CACNA1A: variants seen among roughly 807,000 people sequenced by gnomAD.
CACNA1A encodes voltage-dependent P/Q-type calcium channel subunit alpha-1A.
CACNA1A carries 57 observed loss-of-function variants against 262.4 expected under a neutral mutation model. That is an observed-to-expected ratio of 0.22 (90% CI 0.18 to 0.27). CACNA1A has a LOEUF of 0.27. CACNA1A is among the 10% of genes least tolerant of loss of function. The pLI, the probability that CACNA1A is intolerant of heterozygous loss-of-function variation, is 1.00. For synonymous variants in CACNA1A, 1,431 were observed against 1,419.3 expected, an observed-to-expected ratio of 1.01 and a Z score of -0.18; for missense variants, 2,526 against 3,562.8, an observed-to-expected ratio of 0.71 and a Z score of 7.41.
intron 3 of CACNA1A, among the ~76,000 whole-genome samples, chr19:13,389,303 C>T (rs1026720366): frequency 6.6e-6 from 1 of 152,148 alleles, no homozygotes; most frequent in Non-Finnish European, 1.5e-5. Flanking sequence ...TGTCACATGC[C>T]GCCTCCTGGT....
At chr19:13,419,114 C>T (rs1347164036) in intron 3 of CACNA1A, among the ~76,000 whole-genome samples, 2 of 152,088 alleles carry the variant, frequency 1.3e-5, no homozygotes, top group African/African-American at 4.8e-5. Flanking sequence ...AGGCTGGGCT[C>T]GAACTCCTGA....
chr19:13,274,771 T>C (rs961023284), intron 24 of CACNA1A: 4 of 151,892 alleles, frequency 2.6e-5, no homozygotes, highest in African/African-American at 9.7e-5. Flanking sequence ...TACCCAGAAC[T>C]AGGGTGCCAC....
intron 12 of CACNA1A, among the ~76,000 whole-genome samples, chr19:13,311,035 C>A (rs778509038): frequency 2.0e-5 from 3 of 152,090 alleles, no homozygotes; most frequent in Non-Finnish European, 4.4e-5. Context: ...TCAGGTGATC[C>A]ACCTGCCTCC....
In CACNA1A at chr19:13,240,768, GCA is replaced by G. The variant is rs372599074; in HGVS notation, c.4950+4412_4950+4413del. On this transcript the variant is annotated intron_variant, in intron 31 of 46. Transcript: ENST00000360228. ...CAGCGTCTGTGTGCAGTGACTGTGTGCACAGTGTGTGCGCAGTGACTGAGTGT... is the reference window on the plus strand; with the variant it reads ...CAGCGTCTGTGTGCAGTGACTGTGTGCAGTGTGTGCGCAGTGACTGAGTGT... 9.9e-3 allele frequency among the ~76,000 whole-genome samples: 1,498 copies of G among 151,566 alleles called. 33 individuals are homozygous for G. The highest frequency in any genetic ancestry group is 0.07 in the East Asian group (362 of 5,142).
chr19:13,452,616 T>C, intron 3 of CACNA1A: 1 of 317,156 alleles, frequency 3.2e-6, no homozygotes, highest in Admixed American at 4.7e-5. Flanking sequence ...TTGCAAGGAT[T>C]AAATTAGAGA....
At chr19:13,365,571 C>T in intron 4 of CACNA1A, 102 bp from the exon 5 acceptor site, 1 of 1,047,686 alleles carries the variant, frequency 9.5e-7, no homozygotes, top group Non-Finnish European at 1.4e-6. Flanking sequence ...AGGTGTGTTC[C>T]TGAGGGAACA....
intron 15 of CACNA1A, among the ~76,000 whole-genome samples, chr19:13,304,659 C>CAAAAAAAAA (rs34159456): frequency 9.7e-6 from 1 of 103,444 alleles, no homozygotes; most frequent in Non-Finnish European, 1.9e-5. Flanking sequence ...ATTTTTGTCT[C>CAAAAAAAAA]AAAAAAAAAA....
At chr19:13,359,436 T>C (rs1234471669) in intron 6 of CACNA1A, among the ~76,000 whole-genome samples, 170 bp downstream of exon 6, 1 of 152,178 alleles carries the variant, frequency 6.6e-6, no homozygotes, top group Non-Finnish European at 1.5e-5. Flanking sequence ...TGAGCCCCTG[T>C]AATCTTCAAA....
intron 1 of CACNA1A, among the ~76,000 whole-genome samples, chr19:13,460,275 G>C (rs1242061379): frequency 6.6e-6 from 1 of 152,158 alleles, no homozygotes; most frequent in Non-Finnish European, 1.5e-5. Context: ...GAAGTGCTAA[G>C]TGCCTCTATT....
chr19:13,424,870 T>C (rs56662480), intron 3 of CACNA1A, among the ~76,000 whole-genome samples: 2,104 of 152,174 alleles, frequency 0.014, 50 homozygotes, highest in African/African-American at 0.049. Flanking sequence ...AGTGGTGCGA[T>C]CTTGGCTCAC....
intron 3 of CACNA1A, among the ~76,000 whole-genome samples, chr19:13,413,334 C>T (rs1428772815): frequency 2.0e-5 from 3 of 151,076 alleles, no homozygotes; most frequent in Admixed American, 6.6e-5. Context: ...TCTCAATCTC[C>T]TGACCTCGTG....
At chr19:13,293,439 C>CTTTTTT (rs974515720) in intron 19 of CACNA1A, among the ~76,000 whole-genome samples, 1,125 of 80,886 alleles carry the variant, frequency 0.014, 70 homozygotes, top group Middle Eastern at 0.037. Context: ...TCAGTTAAAT[C>CTTTTTT]TTTTTTTTTT....
chr19:13,317,287 G>A lies in CACNA1A; in HGVS notation c.1380C>T (p.Ala460=). ...GAAAAAAGGTCGAGTTCTCCAGCTTGGCACTTTTAATGCTGGCTCGGGCGA... is the reference window on the plus strand; with the variant it reads ...GAAAAAAGGTCGAGTTCTCCAGCTTAGCACTTTTAATGCTGGCTCGGGCGA... ...SPFARASIKS[A]KLENSTFFHK... Residue 460 remains alanine (A), a synonymous_variant, in exon 11 of 47, where the codon GCC becomes GCT. Coordinates refer to ENST00000360228, the MANE Select transcript of CACNA1A (RefSeq NM_001127222.2). 1 of 1,610,518 alleles carries A rather than the reference G, an allele frequency of 6.2e-7. No homozygotes were observed. The highest frequency in any genetic ancestry group is 1.1e-5 in the South Asian group (1 of 91,000).
intron 6 of CACNA1A, among the ~76,000 whole-genome samples, chr19:13,337,840 C>G (rs971064645): frequency 6.6e-6 from 1 of 152,192 alleles, no homozygotes; most frequent in Non-Finnish European, 1.5e-5. Flanking sequence ...CATGGTCTCG[C>G]CTATTGCTCC....
intron 17 of CACNA1A, among the ~76,000 whole-genome samples, chr19:13,303,186 G>C (rs530525490): frequency 6.6e-6 from 1 of 152,214 alleles, no homozygotes; most frequent in East Asian, 1.9e-4. Context: ...AGCTCTGACT[G>C]GGTCCCCATA....
At chr19:13,476,394 C>G (rs1035071363) in intron 1 of CACNA1A, among the ~76,000 whole-genome samples, 1 of 152,184 alleles carries the variant, frequency 6.6e-6, no homozygotes, top group Non-Finnish European at 1.5e-5. Flanking sequence ...ACCATCATTG[C>G]CAACTCATCA....
chr19:13,478,396 C>T (rs1203392992), intron 1 of CACNA1A, among the ~76,000 whole-genome samples: 1 of 152,102 alleles, frequency 6.6e-6, no homozygotes, highest in Non-Finnish European at 1.5e-5. Context: ...TCACTCACTG[C>T]GGTCTTGAAC....
intron 19 of CACNA1A, among the ~76,000 whole-genome samples, chr19:13,294,488 T>C (rs911183696): frequency 1.7e-5 from 1 of 57,558 alleles, no homozygotes; most frequent in African/African-American, 6.2e-5. Flanking sequence ...TGTACCTGGC[T>C]TTTTTTTTTT....
intron 3 of CACNA1A, among the ~76,000 whole-genome samples, chr19:13,409,987 AACC>A (rs1555782447): frequency 6.6e-6 from 1 of 152,180 alleles, no homozygotes; most frequent in Non-Finnish European, 1.5e-5. Flanking sequence ...TTCCACAAGC[AACC>A]ACCACTATTA....
Sources: allele counts gnomAD v4.1 joint callset (sites outside exome capture counted in the v4.1 genomes callset), GRCh38; gene constraint gnomAD v4.1.1; transcripts MANE v1.5; gene names NCBI Gene and HGNC (gene_info 2026-07-23, HGNC 2026-07-21).